Variants in HCRTR2 observed in about 807,000 individuals in gnomAD.
HCRTR2 encodes hypocretin receptor 2.
Under a neutral mutation model 49.0 loss-of-function variants are expected in HCRTR2, and 22 were observed. The ratio of observed to expected loss-of-function variants is 0.45; its 90% confidence interval spans 0.32 to 0.64. HCRTR2 has a LOEUF of 0.64. Among genes scored for constraint, HCRTR2 ranks in the 30% least tolerant of loss-of-function variants. HCRTR2 has a pLI of 0.04. For missense variants in HCRTR2, 491 were observed against 559.4 expected, an observed-to-expected ratio of 0.88 and a Z score of 1.23; for synonymous variants, 236 against 205.3, an observed-to-expected ratio of 1.15 and a Z score of -1.28.
intron 1 of HCRTR2, among the ~76,000 whole-genome samples, chr6:55,242,301 C>A (rs1766351372): frequency 6.6e-6 from 1 of 152,136 alleles, no homozygotes; most frequent in Non-Finnish European, 1.5e-5. Flanking sequence ...CTATCCACCT[C>A]CAGAACATTT....
chr6:55,176,493 T>C (rs971180213), intron 1 of HCRTR2, among the ~76,000 whole-genome samples: 1 of 152,214 alleles, frequency 6.6e-6, no homozygotes, highest in Non-Finnish European at 1.5e-5. Flanking sequence ...AACATTTTAC[T>C]GCATTATGCC....
intron 1 of HCRTR2, among the ~76,000 whole-genome samples, chr6:55,213,006 A>G (rs1765723042): frequency 1.3e-5 from 2 of 152,118 alleles, no homozygotes; most frequent in Admixed American, 1.3e-4. Context: ...TTGATTTCCA[A>G]TTGTATGTGG....
chr6:55,265,827 A>G (rs758533488), intron 4 of HCRTR2, among the ~76,000 whole-genome samples: 2 of 152,116 alleles, frequency 1.3e-5, no homozygotes, highest in Non-Finnish European at 2.9e-5. Flanking sequence ...TCCCTTTATT[A>G]ACTTTAAAAT....
At chr6:55,160,765 A>G (rs953126183) in intron 1 of HCRTR2, among the ~76,000 whole-genome samples, 14 of 152,246 alleles carry the variant, frequency 9.2e-5, no homozygotes, top group African/African-American at 3.4e-4. Flanking sequence ...TAAAGGGATC[A>G]ATGCAACAAG....
chr6:55,148,793 T>A (rs1764627431), intron 1 of HCRTR2, among the ~76,000 whole-genome samples: 1 of 152,136 alleles, frequency 6.6e-6, no homozygotes, highest in African/African-American at 2.4e-5. Context: ...GAGGGATAGA[T>A]CTATGACATT....
At chr6:55,153,856 G>A (rs1561988749) in intron 1 of HCRTR2, among the ~76,000 whole-genome samples, 1 of 151,674 alleles carries the variant, frequency 6.6e-6, no homozygotes, top group Non-Finnish European at 1.5e-5. Context: ...AAACTACAAT[G>A]TACTTTTTTG....
chr6:55,133,392 C>A (rs76482938), intron 1 of HCRTR2, among the ~76,000 whole-genome samples: 8,811 of 130,440 alleles, frequency 0.068, 383 homozygotes, highest in African/African-American at 0.12. Flanking sequence ...CACAAAAAAA[C>A]ACACACACAC....
rs1561989718 is a variant in HCRTR2 at position 55,156,574 on chromosome 6, C to T, written c.-377-17637C>T. The stretch of plus-strand genomic sequence containing the variant: ...ACTCTCTCTTTCTCTCTCTCTGAGA[C>T]ACACACACACACACACAAGCACACA... On this transcript the variant is annotated intron_variant, in intron 1 of 7. Coordinates refer to the HCRTR2 transcript ENST00000615358. Among the ~76,000 whole-genome samples, 3 of 150,040 alleles carry T rather than the reference C, an allele frequency of 2.0e-5. No individual in the cohort carries two copies. The South Asian group carries it at 6.3e-4, about 31-fold the overall frequency.
At chr6:55,258,612 T>A (rs1187519804) in intron 3 of HCRTR2, among the ~76,000 whole-genome samples, 1 of 152,214 alleles carries the variant, frequency 6.6e-6, no homozygotes, top group East Asian at 1.9e-4. Flanking sequence ...TAAATACTTA[T>A]TTTAATAACC....
chr6:55,123,301 T>G (rs1370665160), intron 1 of HCRTR2, among the ~76,000 whole-genome samples: 2 of 152,122 alleles, frequency 1.3e-5, no homozygotes, highest in Non-Finnish European at 2.9e-5. Context: ...ACATGTTCCA[T>G]CAATACCTAG....
At chr6:55,107,131 T>C (rs755521865) in intron 1 of HCRTR2, among the ~76,000 whole-genome samples, 7 of 152,152 alleles carry the variant, frequency 4.6e-5, no homozygotes, top group Non-Finnish European at 7.4e-5. Context: ...TCCGTGTAGA[T>C]GTCTTGTTTG....
intron 2 of HCRTR2, among the ~76,000 whole-genome samples, chr6:55,252,188 T>A (rs1003677137): frequency 1.3e-5 from 2 of 152,150 alleles, no homozygotes; most frequent in African/African-American, 4.8e-5. Context: ...TGGTTCATTC[T>A]ACTGTTAGAT....
Position 55,200,432 on chromosome 6 carries a change from T to A in HCRTR2, c.223+25622T>A, listed in dbSNP as rs374762799. On this transcript the variant is annotated intron_variant, in intron 1 of 6. Coordinates refer to ENST00000370862, the MANE Select transcript of HCRTR2 (RefSeq NM_001384272.1). ...GGCGCACACCACCACACCCAGCTAA[T>A]TTTTTGTATTTTTAGTAGAGATGGG... Among the ~76,000 whole-genome samples the A allele has an allele frequency of 3.1e-3, 478 of 152,026 alleles. 1 individual carries two copies. Among genetic ancestry groups the A allele is most frequent in the African/African-American group, 0.011 (459 of 41,498 alleles).
chr6:55,129,319 C>A (rs1764323293), intron 1 of HCRTR2, among the ~76,000 whole-genome samples: 1 of 152,056 alleles, frequency 6.6e-6, no homozygotes, highest in Non-Finnish European at 1.5e-5. Context: ...GAAACTCCTT[C>A]CTAAATGTGC....
chr6:55,223,913 A>C (rs2127297004), intron 1 of HCRTR2, among the ~76,000 whole-genome samples: 1 of 152,334 alleles, frequency 6.6e-6, no homozygotes, highest in Non-Finnish European at 1.5e-5. Flanking sequence ...TAATGGCAGC[A>C]ATCTGCATGA....
chr6:55,115,276 G>C (rs549404329), intron 1 of HCRTR2, among the ~76,000 whole-genome samples: 1 of 151,690 alleles, frequency 6.6e-6, no homozygotes, highest in African/African-American at 2.4e-5. Context: ...ACAGAATCTA[G>C]GTGTTGATCA....
intron 1 of HCRTR2, among the ~76,000 whole-genome samples, chr6:55,227,114 C>A (rs1766023831): frequency 6.7e-6 from 1 of 149,946 alleles, no homozygotes; most frequent in Admixed American, 6.7e-5. Flanking sequence ...CATTACTTAA[C>A]CCTTGCAGTA....
At chr6:55,284,350 C>T (rs766092539), downstream of HCRTR2, among the ~76,000 whole-genome samples, 13 of 152,094 alleles carry the variant, frequency 8.5e-5, no homozygotes, top group Non-Finnish European at 1.8e-4. Flanking sequence ...TCTATACCAT[C>T]GGCATCAGCA....
At chr6:55,268,465 T>C (rs925281861) in intron 4 of HCRTR2, among the ~76,000 whole-genome samples, 2 of 152,172 alleles carry the variant, frequency 1.3e-5, no homozygotes, top group Admixed American at 6.6e-5. Context: ...AACTTTATGC[T>C]GTCTACAAGA....
Sources: gnomAD v4.1 joint callset for allele counts (sites outside exome capture counted in the v4.1 genomes callset) on GRCh38, gnomAD v4.1.1 for gene constraint, MANE v1.5 for transcripts, NCBI Gene and HGNC (gene_info 2026-07-23, HGNC 2026-07-21) for gene names.